PKMYT1: variants seen among roughly 807,000 people sequenced by gnomAD.
PKMYT1 encodes the protein protein kinase, membrane associated tyrosine/threonine 1.
A neutral mutation model predicts 49.7 loss-of-function variants in PKMYT1; 35 were observed. That is an observed-to-expected ratio of 0.70 (90% CI 0.54 to 0.93). The LOEUF (loss-of-function observed/expected upper bound fraction) is 0.93, where lower values mean the gene tolerates loss of function less well. PKMYT1 is among the 40% of genes least tolerant of loss of function. The pLI, the probability that PKMYT1 is intolerant of heterozygous loss-of-function variation, is 0.00. For missense variants in PKMYT1, 677 were observed against 673.1 expected (o/e 1.01, Z -0.06); for synonymous variants, 331 against 287.6 (o/e 1.15, Z -1.53).
chr16:2,977,755 G>A (rs945141118), intron 2 of PKMYT1, among the ~76,000 whole-genome samples: 5 of 152,270 alleles, frequency 3.3e-5, no homozygotes, highest in Non-Finnish European at 7.4e-5. Flanking sequence ...CCTAGCACTG[G>A]GGGCAGGTGT....
At chr16:2,973,835 A>G (rs2072090717) in intron 7 of PKMYT1, 165 bp downstream of exon 7, 1 of 782,468 alleles carries the variant, frequency 1.3e-6, no homozygotes, top group African/African-American at 1.7e-5. Context: ...GCCCAGCTGC[A>G]TTAAGCCTGG....
Position 2,979,634 on chromosome 16 carries a change from G to A in PKMYT1, c.10+14C>T. On this transcript the variant is annotated intron_variant, in intron 2 of 8. Coordinates refer to ENST00000262300, the MANE Select transcript of PKMYT1 (RefSeq NM_004203.5). ...TTAACCCAGTTCTCCCACCGTCCCT[G>A]CCCTACGACTTACGTTCTAGCATGA... The A allele has an allele frequency of 1.2e-6, 2 of 1,608,756 alleles. No individual in the cohort carries two copies. Among genetic ancestry groups the A allele is most frequent in the Non-Finnish European group, 1.7e-6 (2 of 1,175,164 alleles).
chr16:2,973,862 C>T (rs1019168825), intron 7 of PKMYT1, 138 bp downstream of exon 7: 5 of 956,242 alleles, frequency 5.2e-6, no homozygotes, highest in African/African-American at 3.3e-5. Context: ...CACACACCCC[C>T]AGTCTTGGTC....
In PKMYT1 at chr16:2,975,385, C is replaced by T; in HGVS notation, c.806G>A (p.Gly269Glu). ...GTAGAGEVQEGDPRYMAPELL... is the reference protein window; with the variant it reads ...GTAGAGEVQEEDPRYMAPELL... ...CTCGGGGGCCATGTAGCGGGGGTCT[C>T]CCTCCTGGACCTCACCAGCTCCTGC... The change falls in exon 4 of 9, where the codon GGA (glycine) becomes GAA (glutamate). Residue 269 changes from glycine to glutamate, a missense_variant. By Grantham distance (98) the Gly-to-Glu change is moderately conservative. Coordinates refer to ENST00000262300, the MANE Select transcript of PKMYT1 (RefSeq NM_004203.5). The T allele has an allele frequency of 6.2e-7, 1 of 1,613,122 alleles. No individual in the cohort carries two copies. The highest frequency in any genetic ancestry group is 8.5e-7 in the Non-Finnish European group (1 of 1,179,962).
chr16:2,973,452 G>A, intron 7 of PKMYT1: 1 of 1,520,918 alleles, frequency 6.6e-7, no homozygotes, highest in Non-Finnish European at 8.8e-7. Flanking sequence ...TGGACTTGGA[G>A]GCAGATTTGA....
rs199579159 is a variant in PKMYT1, at chr16:2,976,834, G to A, written c.208C>T (p.Arg70Trp). Residue 70 changes from arginine to tryptophan, a missense_variant, in exon 3 of 9, where the codon CGG becomes TGG. By Grantham distance (101) the Arg-to-Trp change is moderately radical (BLOSUM62 -3). Coordinates refer to ENST00000262300, the MANE Select transcript of PKMYT1 (RefSeq NM_004203.5). ...TGCAGCTGGTGCCAGCCTGGGGTCC[G>A]AGGAGGGAAGAGGCGGCTGATGGGA... ...SIPISRLFPPRTPGWHQLQPR... is the reference protein window; with the variant it reads ...SIPISRLFPPWTPGWHQLQPR... The A allele has an allele frequency of 2.3e-5, 36 of 1,552,494 alleles. No individual in the cohort carries two copies. The East Asian group carries it at 3.1e-4, about 13-fold the overall frequency.
At position 2,974,785 on chromosome 16, in the gene PKMYT1, AG is replaced by A; in HGVS notation, c.873-130del. On this transcript the variant is annotated intron_variant, in intron 4 of 8. Coordinates refer to ENST00000262300, the MANE Select transcript of PKMYT1 (RefSeq NM_004203.5). ...TCATCAGTCAGGGAGGGGCGGAAGCAGGGGGAAGGGACACCCCAACAGGCCT... is the reference window on the plus strand; with the variant it reads ...TCATCAGTCAGGGAGGGGCGGAAGCAGGGGAAGGGACACCCCAACAGGCCT... 9 of 636,202 alleles carry A rather than the reference AG, an allele frequency of 1.4e-5. No homozygotes were observed. The South Asian group carries it at 1.5e-4, about 10-fold the overall frequency. The allele number at this position is 636,202 out of a possible 1,614,324, so 39.4% of individuals were successfully genotyped here.
At chr16:2,978,234 C>G (rs190749276) in intron 2 of PKMYT1, among the ~76,000 whole-genome samples, 4 of 152,240 alleles carry the variant, frequency 2.6e-5, no homozygotes, top group African/African-American at 9.6e-5. Flanking sequence ...TGAAACAGTG[C>G]GTAGGGAAGT....
chr16:2,978,583 A>G (rs1458940987), intron 2 of PKMYT1, among the ~76,000 whole-genome samples: 2 of 151,858 alleles, frequency 1.3e-5, no homozygotes, highest in African/African-American at 4.8e-5. Context: ...CCCCATCTCT[A>G]CTAAAAATAC....
At chr16:2,975,932 T>C in intron 3 of PKMYT1, 120 bp from the exon 4 acceptor site, 1 of 1,077,078 alleles carries the variant, frequency 9.3e-7, no homozygotes, top group Non-Finnish European at 1.3e-6. Flanking sequence ...GTGGTGTAGC[T>C]GGCATCTGTC....
intron 5 of PKMYT1, 53 bp downstream of exon 5, chr16:2,974,497 A>G (rs1405833660): frequency 6.5e-7 from 1 of 1,536,808 alleles, no homozygotes; most frequent in Non-Finnish European, 8.8e-7. Flanking sequence ...ATGGCCAGCC[A>G]CTATCTCCCC....
intron 3 of PKMYT1, 92 bp from the exon 4 acceptor site, chr16:2,975,904 G>A: frequency 7.3e-7 from 1 of 1,365,048 alleles, no homozygotes; most frequent in Non-Finnish European, 1.0e-6. Flanking sequence ...CCCATTAAGG[G>A]TTCACACACG....
Position 2,973,895 on chromosome 16 carries a change from G to A in PKMYT1, c.1310+105C>T, listed in dbSNP as rs868172825. The A allele has an allele frequency of 6.4e-5, 82 of 1,271,692 alleles. 1 individual carries two copies. The Middle Eastern group carries it at 6.8e-4, about 11-fold the overall frequency. 78.8% of individuals were successfully genotyped at this position (1,271,692 alleles called of 1,614,324 possible). The stretch of plus-strand genomic sequence containing the variant: ...GTCCCCTTCCCCAGGATGTGATGGG[G>A]GCCAGGTTTGTGGGAGTGGTCCCCA... On this transcript the variant is annotated intron_variant, in intron 7 of 8. Coordinates refer to ENST00000262300, the MANE Select transcript of PKMYT1 (RefSeq NM_004203.5).
intron 2 of PKMYT1, 61 bp downstream of exon 2, chr16:2,979,587 C>T: frequency 1.4e-6 from 2 of 1,385,962 alleles, no homozygotes; most frequent in Admixed American, 1.7e-5. Context: ...CTGGCACACT[C>T]GGGGACCTGG....
rs1464873838 is a variant in PKMYT1 at position 2,974,623 on chromosome 16, G to A, written c.906C>T (p.Asn302=). ...CCTCCCCACCGTGGGGCAGCTCCAT[G>A]TTGCATGCCACTTCCAGGATGGTGA... is the stretch of plus-strand genomic sequence containing the variant. ...LGLTILEVAC[N]MELPHGGEGW... Residue 302 remains asparagine, a synonymous_variant, in exon 5 of 9, where the codon AAC becomes AAT. Transcript: ENST00000262300. The A allele has an allele frequency of 6.4e-7, 1 of 1,574,468 alleles. No individual in the cohort carries two copies. Among genetic ancestry groups the A allele is most frequent in the Admixed American group, 1.9e-5 (1 of 53,924 alleles).
At chr16:2,976,606 G>T in intron 3 of PKMYT1, 58 bp downstream of exon 3, 1 of 1,406,788 alleles carries the variant, frequency 7.1e-7, no homozygotes, top group Non-Finnish European at 9.3e-7. Flanking sequence ...TGCCAAGGGA[G>T]GTGCAGAAAC....
intron 2 of PKMYT1, 30 bp downstream of exon 2, chr16:2,979,618 T>G: frequency 6.3e-7 from 1 of 1,586,814 alleles, no homozygotes; most frequent in Non-Finnish European, 8.7e-7. Flanking sequence ...CTTAACCCAG[T>G]TCTCCCACCG....
Position 2,979,709 on chromosome 16 carries a change from G to A in PKMYT1, c.-52C>T, listed in dbSNP as rs777746072. The A allele has an allele frequency of 4.3e-6, 7 of 1,612,746 alleles. No individual in the cohort carries two copies. The highest frequency in any genetic ancestry group is 5.9e-6 in the Non-Finnish European group (7 of 1,179,320). ...GGTGGGACGGGGGAGGCAGGAGCAG[G>A]GGCTCCCACGTGAATCCAGGGTGTC... On this transcript the variant is annotated 5_prime_UTR_variant, in exon 2 of 9. Transcript: ENST00000262300.
intron 7 of PKMYT1, chr16:2,973,660 G>A: frequency 2.2e-6 from 1 of 445,750 alleles, no homozygotes; most frequent in East Asian, 4.8e-5. Flanking sequence ...TTGTTCCCAG[G>A]GCAGGGCTCC....
Sources: allele counts gnomAD v4.1 joint callset (sites outside exome capture counted in the v4.1 genomes callset), GRCh38; gene constraint gnomAD v4.1.1; transcripts MANE v1.5; gene names NCBI Gene and HGNC (gene_info 2026-07-23, HGNC 2026-07-21).